The following CNTN3 variants were observed in gnomAD, a reference collection of about 807,000 sequenced individuals.
CNTN3 encodes the protein contactin 3, also known as contactin-3.
Under a neutral mutation model 119.1 loss-of-function variants are expected in CNTN3, and 60 were observed. The observed-to-expected ratio is 0.50, with a 90% CI of 0.41 to 0.62. CNTN3 has a LOEUF of 0.62. Among genes scored for constraint, CNTN3 ranks in the 20% least tolerant of loss-of-function variants. The probability of loss-of-function intolerance (pLI) is 0.00; values close to 1 mark genes in which losing one functional copy is unlikely to be tolerated. For missense variants in CNTN3, 1,101 were observed against 1,242.4 expected, an observed-to-expected ratio of 0.89 and a Z score of 1.71; for synonymous variants, 450 against 438.7, an observed-to-expected ratio of 1.03 and a Z score of -0.32.
chr3:74,364,210 AG>A (rs1264543471), intron 10 of CNTN3, among the ~76,000 whole-genome samples: 1 of 152,104 alleles, frequency 6.6e-6, no homozygotes, highest in East Asian at 1.9e-4. Flanking sequence ...GAGGTGGATA[AG>A]GATATCTTTT....
chr3:74,357,803 C>T (rs1431450644), intron 11 of CNTN3, among the ~76,000 whole-genome samples: 1 of 152,084 alleles, frequency 6.6e-6, no homozygotes, highest in Non-Finnish European at 1.5e-5. Context: ...AAATACACTT[C>T]AAATTTTGTC....
chr3:74,288,310 C>T (rs905337034), intron 19 of CNTN3, among the ~76,000 whole-genome samples: 1 of 151,858 alleles, frequency 6.6e-6, no homozygotes, highest in African/African-American at 2.4e-5. Flanking sequence ...AGGTGCCTGC[C>T]ACTATGCCTG....
chr3:74,328,923 T>A (rs1455974203), intron 13 of CNTN3, among the ~76,000 whole-genome samples: 1 of 152,196 alleles, frequency 6.6e-6, no homozygotes, highest in Non-Finnish European at 1.5e-5. Context: ...AGTCAGCTGA[T>A]GCTTTGAATT....
chr3:74,508,301 C>T lies in CNTN3; in HGVS notation c.56-8516G>A, dbSNP rs1703301246. Among the ~76,000 whole-genome samples the T allele has an allele frequency of 1.3e-5, 2 of 152,114 alleles. 1 individual carries two copies. The highest frequency in any genetic ancestry group is 4.1e-4 in the South Asian group (2 of 4,828). The stretch of plus-strand genomic sequence containing the variant: ...TGCCTTCTGCCATGATTGTAAGTTT[C>T]CTGAGGCCTCCTCAGCCATGTGATT... On this transcript the variant is annotated intron_variant, in intron 2 of 22. Coordinates refer to ENST00000263665, the MANE Select transcript of CNTN3 (RefSeq NM_020872.3).
chr3:74,443,236 C>T (rs1701995561), intron 4 of CNTN3, among the ~76,000 whole-genome samples: 1 of 152,146 alleles, frequency 6.6e-6, no homozygotes, highest in Non-Finnish European at 1.5e-5. Context: ...CAGTGGGAAG[C>T]CCTGGGCAGT....
intron 21 of CNTN3, 140 bp downstream of exon 21, chr3:74,267,126 T>A (rs1419096281): frequency 3.4e-6 from 2 of 583,954 alleles, no homozygotes; most frequent in Admixed American, 6.0e-5. Context: ...ATTACCCATT[T>A]TATGGAAAGC....
chr3:74,342,687 T>C (rs1365868067), intron 11 of CNTN3, among the ~76,000 whole-genome samples: 1 of 152,202 alleles, frequency 6.6e-6, no homozygotes, highest in Non-Finnish European at 1.5e-5. Flanking sequence ...TAAACGCATA[T>C]TAACATGACA....
rs549905621 is a variant in CNTN3, at chr3:74,497,729, C to T, written c.182+1930G>A. ...AACTAATAAATCAGCCCAAATCACA[C>T]ATCTCCTAGTCTCAGTAACAGATTT... On this transcript the variant is annotated intron_variant, in intron 3 of 22. Transcript: ENST00000263665. Among the ~76,000 whole-genome samples the T allele has an allele frequency of 1.2e-3, 180 of 151,970 alleles. 1 individual carries two copies. Among genetic ancestry groups the T allele is most frequent in the African/African-American group, 2.9e-3 (119 of 41,526 alleles).
intron 20 of CNTN3, among the ~76,000 whole-genome samples, chr3:74,282,304 C>G (rs75725685): frequency 6.6e-6 from 1 of 152,252 alleles, no homozygotes; most frequent in East Asian, 1.9e-4. Context: ...TGATTTAAAG[C>G]CTTGCATACA....
At chr3:74,524,003 C>T (rs80080071) in intron 1 of CNTN3, among the ~76,000 whole-genome samples, 7,159 of 151,736 alleles carry the variant, frequency 0.047, 179 homozygotes, top group South Asian at 0.066. Flanking sequence ...ATCTTTGCAC[C>T]GGACATCAAG....
chr3:74,273,128 T>A (rs768545791), intron 20 of CNTN3, among the ~76,000 whole-genome samples: 5 of 152,130 alleles, frequency 3.3e-5, no homozygotes, highest in Admixed American at 6.5e-5. Context: ...ATTATACAAT[T>A]AAGTCATATA....
chr3:74,363,840 CTTCCA>C (rs1704129495), intron 10 of CNTN3, among the ~76,000 whole-genome samples: 1 of 152,082 alleles, frequency 6.6e-6, no homozygotes, highest in Non-Finnish European at 1.5e-5. Flanking sequence ...TCCTCCTTTC[CTTCCA>C]TTCATTTGTG....
intron 5 of CNTN3, among the ~76,000 whole-genome samples, chr3:74,405,372 C>A (rs904358072): frequency 6.6e-6 from 1 of 150,388 alleles, no homozygotes; most frequent in Non-Finnish European, 1.5e-5. Context: ...TTTTTTGATT[C>A]ATCATTTTGT....
intron 13 of CNTN3, among the ~76,000 whole-genome samples, chr3:74,325,385 C>T (rs1260259303): frequency 6.6e-6 from 1 of 152,048 alleles, no homozygotes; most frequent in African/African-American, 2.4e-5. Context: ...AGTTATAATT[C>T]CCAATCTTTC....
chr3:74,346,191 AAAC>A (rs1268175698), intron 11 of CNTN3, among the ~76,000 whole-genome samples: 1 of 152,178 alleles, frequency 6.6e-6, no homozygotes, highest in Non-Finnish European at 1.5e-5. Flanking sequence ...TAAACTAAGA[AAAC>A]AAGATTTTAT....
chr3:74,353,684 A>T (rs1703869138), intron 11 of CNTN3, among the ~76,000 whole-genome samples: 1 of 152,070 alleles, frequency 6.6e-6, no homozygotes, highest in Non-Finnish European at 1.5e-5. Flanking sequence ...TGAACCCGGG[A>T]GGCGGAGCTT....
chr3:74,585,315 A>G (rs1704575772), intron 1 of CNTN3, among the ~76,000 whole-genome samples: 1 of 152,142 alleles, frequency 6.6e-6, no homozygotes. Flanking sequence ...GATCGAAACA[A>G]AATTGAAGTA....
At chr3:74,534,050 G>T (rs1703729086) in intron 1 of CNTN3, among the ~76,000 whole-genome samples, 2 of 152,010 alleles carry the variant, frequency 1.3e-5, no homozygotes, top group African/African-American at 4.8e-5. Flanking sequence ...GAAGACTGGA[G>T]AATCAGCTAC....
intron 4 of CNTN3, among the ~76,000 whole-genome samples, chr3:74,462,386 T>C (rs1559615677): frequency 6.6e-6 from 1 of 152,064 alleles, no homozygotes; most frequent in Non-Finnish European, 1.5e-5. Flanking sequence ...TGTGCAAAAT[T>C]TACTCAAATA....
Sources: allele counts gnomAD v4.1 joint callset (sites outside exome capture counted in the v4.1 genomes callset), GRCh38; gene constraint gnomAD v4.1.1; transcripts MANE v1.5; gene names NCBI Gene and HGNC (gene_info 2026-07-23, HGNC 2026-07-21).